SHISA6: variants seen among roughly 807,000 people sequenced by gnomAD.
SHISA6 encodes the protein protein shisa-6.
A neutral mutation model predicts 47.9 loss-of-function variants in SHISA6; 22 were observed. The ratio of observed to expected loss-of-function variants is 0.46; its 90% CI spans 0.33 to 0.66. The LOEUF (loss-of-function observed/expected upper bound fraction) is 0.66, where lower values mean the gene tolerates loss of function less well. SHISA6 is among the 30% of genes least tolerant of loss of function. The pLI is 0.02. For synonymous variants in SHISA6, 388 were observed against 337.8 expected (o/e 1.15, Z -1.63); for missense variants, 680 against 764.6 (o/e 0.89, Z 1.30).
chr17:11,467,226 C>G (rs1915830038), intron 3 of SHISA6, among the ~76,000 whole-genome samples: 1 of 152,108 alleles, frequency 6.6e-6, no homozygotes, highest in Admixed American at 6.6e-5. Context: ...AAGCGTCTAC[C>G]ATGTCCACGT....
rs766802260 is a variant in SHISA6, at chr17:11,471,575, C to A, written c.896-80321C>A. 2.0e-5 allele frequency among the ~76,000 whole-genome samples: 3 copies of A among 152,268 alleles called. No homozygotes were observed. The East Asian group carries it at 5.8e-4, about 29-fold the overall frequency. On this transcript the variant is annotated intron_variant, in intron 3 of 5. Coordinates refer to ENST00000441885, the MANE Select transcript of SHISA6 (RefSeq NM_207386.4). ...TCAAATGTCATCTGCTCAGAGGAAG[C>A]CTTTGCTGACCTCTCAATTTGAAGG...
intron 3 of SHISA6, among the ~76,000 whole-genome samples, chr17:11,540,416 C>A (rs893616045): frequency 1.3e-5 from 2 of 152,192 alleles, no homozygotes; most frequent in African/African-American, 4.8e-5. Flanking sequence ...TGTCTCTCAA[C>A]TAAAGATCAG....
At chr17:11,408,018 G>A (rs1464421708) in intron 3 of SHISA6, among the ~76,000 whole-genome samples, 1 of 152,166 alleles carries the variant, frequency 6.6e-6, no homozygotes, top group Admixed American at 6.5e-5. Flanking sequence ...AAATGAATAT[G>A]ATCTGATGTG....
chr17:11,243,137 A>G (rs1424988274), intron 1 of SHISA6, among the ~76,000 whole-genome samples: 1 of 151,596 alleles, frequency 6.6e-6, no homozygotes, highest in African/African-American at 2.4e-5. Flanking sequence ...TCAGTCCTGC[A>G]GGCCCCCACA....
intron 3 of SHISA6, among the ~76,000 whole-genome samples, chr17:11,524,356 A>G (rs925704246): frequency 6.6e-6 from 1 of 152,160 alleles, no homozygotes; most frequent in African/African-American, 2.4e-5. Context: ...TATGAAAGAA[A>G]GTGTCCCAGA....
intron 3 of SHISA6, among the ~76,000 whole-genome samples, chr17:11,439,507 G>A (rs1321294547): frequency 1.3e-5 from 2 of 152,266 alleles, no homozygotes; most frequent in Admixed American, 1.3e-4. Context: ...GGGGAAAAAT[G>A]GGTAGCGTGG....
chr17:11,248,555 G>A (rs1022784962), intron 1 of SHISA6, among the ~76,000 whole-genome samples: 1 of 152,162 alleles, frequency 6.6e-6, no homozygotes, highest in South Asian at 2.1e-4. Flanking sequence ...GGGATCCTTA[G>A]AGATGTGAGT....
chr17:11,297,830 C>T (rs1909802836), intron 2 of SHISA6, among the ~76,000 whole-genome samples: 1 of 152,138 alleles, frequency 6.6e-6, no homozygotes, highest in Non-Finnish European at 1.5e-5. Context: ...TATTGCCCTT[C>T]AGCGAAAGAA....
intron 2 of SHISA6, among the ~76,000 whole-genome samples, chr17:11,269,105 G>A (rs775006689): frequency 2.0e-5 from 3 of 151,166 alleles, no homozygotes; most frequent in Non-Finnish European, 2.9e-5. Context: ...GCAGTGGCGC[G>A]ATCTCAGCCC....
intron 3 of SHISA6, among the ~76,000 whole-genome samples, chr17:11,384,815 G>A: frequency 6.6e-6 from 1 of 152,138 alleles, no homozygotes; most frequent in Non-Finnish European, 1.5e-5. Flanking sequence ...GATAGACGAG[G>A]GTGGGAGTTA....
chr17:11,277,274 T>TCACACA (rs1908945036), intron 2 of SHISA6, among the ~76,000 whole-genome samples: 3 of 64,764 alleles, frequency 4.6e-5, no homozygotes, highest in East Asian at 1.1e-3. Flanking sequence ...TCTCTCTCTC[T>TCACACA]CTCTCTCACA....
chr17:11,423,891 G>A (rs1349281942), intron 3 of SHISA6, among the ~76,000 whole-genome samples: 1 of 151,966 alleles, frequency 6.6e-6, no homozygotes, highest in Non-Finnish European at 1.5e-5. Context: ...ATCTAGACAT[G>A]GGAAAAGTAG....
chr17:11,351,411 T>C (rs1008350725), intron 2 of SHISA6, among the ~76,000 whole-genome samples: 1 of 152,224 alleles, frequency 6.6e-6, no homozygotes, highest in African/African-American at 2.4e-5. Flanking sequence ...TATCTACATA[T>C]TGTTACATGC....
intron 3 of SHISA6, among the ~76,000 whole-genome samples, chr17:11,476,941 C>G (rs567466563): frequency 1.3e-5 from 2 of 152,236 alleles, no homozygotes; most frequent in African/African-American, 2.4e-5. Flanking sequence ...TTGGCCTTCT[C>G]TTGTTAGGCA....
intron 2 of SHISA6, among the ~76,000 whole-genome samples, chr17:11,309,489 T>C (rs1910244782): frequency 1.3e-5 from 2 of 152,238 alleles, no homozygotes; most frequent in African/African-American, 4.8e-5. Context: ...GAAGATAACC[T>C]GAGAACCTGG....
intron 2 of SHISA6, among the ~76,000 whole-genome samples, chr17:11,320,576 T>TGAACTCTGGAG (rs1369144832): frequency 6.6e-6 from 1 of 151,998 alleles, no homozygotes; most frequent in Non-Finnish European, 1.5e-5. Context: ...GAGAATCATT[T>TGAACTCTGGAG]GAACTCTGGA....
intron 2 of SHISA6, among the ~76,000 whole-genome samples, chr17:11,331,579 C>T (rs1319345913): frequency 6.6e-6 from 1 of 152,118 alleles, no homozygotes; most frequent in Non-Finnish European, 1.5e-5. Context: ...GACGAGATGG[C>T]ATGCATTAAA....
intron 3 of SHISA6, among the ~76,000 whole-genome samples, chr17:11,547,207 T>A (rs1301269262): frequency 6.6e-6 from 1 of 152,210 alleles, no homozygotes; most frequent in Non-Finnish European, 1.5e-5. Flanking sequence ...ATAGATATAA[T>A]AGGAACCTGC....
chr17:11,409,091 ATAAT>A (rs1457467951), intron 3 of SHISA6, among the ~76,000 whole-genome samples: 1 of 152,224 alleles, frequency 6.6e-6, no homozygotes, highest in African/African-American at 2.4e-5. Flanking sequence ...CCTCTCAGAA[ATAAT>A]TAATTTGATA....
Sources: gnomAD v4.1 joint callset for allele counts (sites outside exome capture counted in the v4.1 genomes callset) on GRCh38, gnomAD v4.1.1 for gene constraint, MANE v1.5 for transcripts, NCBI Gene and HGNC (gene_info 2026-07-23, HGNC 2026-07-21) for gene names.